EDIL3: variants seen among roughly 807,000 people sequenced by gnomAD.
EDIL3 encodes the protein EGF-like repeat and discoidin I-like domain-containing protein 3.
EDIL3 carries 37 observed loss-of-function variants against 67.4 expected under a neutral mutation model. That is an observed-to-expected ratio of 0.55 (90% confidence interval 0.42 to 0.72). The LOEUF is 0.72. Among genes scored for constraint, EDIL3 ranks in the 30% least tolerant of loss-of-function variants. The pLI, the probability that EDIL3 is intolerant of heterozygous loss-of-function variation, is 0.00. For missense variants in EDIL3, 527 were observed against 586.3 expected (o/e 0.90, Z 1.04); for synonymous variants, 195 against 196.3 (o/e 0.99, Z 0.05).
chr5:83,977,172 T>C (rs1744890040), intron 9 of EDIL3, among the ~76,000 whole-genome samples: 1 of 151,874 alleles, frequency 6.6e-6, no homozygotes, highest in Non-Finnish European at 1.5e-5. Context: ...AATTTTCAAA[T>C]ATGGTTTTGC....
chr5:84,125,400 T>C (rs1747851625), intron 5 of EDIL3, among the ~76,000 whole-genome samples: 1 of 152,032 alleles, frequency 6.6e-6, no homozygotes, highest in African/African-American at 2.4e-5. Flanking sequence ...TCTATTGTTT[T>C]AAAATTCCAG....
chr5:83,978,688 G>T (rs1049566917), intron 9 of EDIL3, among the ~76,000 whole-genome samples: 1 of 151,986 alleles, frequency 6.6e-6, no homozygotes, highest in Non-Finnish European at 1.5e-5. Flanking sequence ...GACAGAAACA[G>T]GGTCATCTGA....
chr5:84,225,156 A>C (rs1402584184), intron 3 of EDIL3, among the ~76,000 whole-genome samples: 1 of 151,630 alleles, frequency 6.6e-6, no homozygotes, highest in East Asian at 1.9e-4. Flanking sequence ...TTTTAGGCTA[A>C]TACATCCTAC....
intron 3 of EDIL3, among the ~76,000 whole-genome samples, chr5:84,210,315 T>C (rs1744092333): frequency 6.6e-6 from 1 of 152,162 alleles, no homozygotes; most frequent in Non-Finnish European, 1.5e-5. Flanking sequence ...AATGATGTGT[T>C]ACTCTAACTA....
chr5:84,051,841 C>T (rs897930941), intron 9 of EDIL3, among the ~76,000 whole-genome samples: 1 of 152,192 alleles, frequency 6.6e-6, no homozygotes, highest in African/African-American at 2.4e-5. Context: ...GATTGGTGTA[C>T]CTGAAAGTGA....
intron 1 of EDIL3, among the ~76,000 whole-genome samples, chr5:84,373,582 A>G (rs769818089): frequency 1.3e-5 from 2 of 152,190 alleles, no homozygotes; most frequent in Admixed American, 6.5e-5. Context: ...AAATTATCTT[A>G]GTTCGAGATT....
At chr5:84,288,184 C>T (rs1745846411) in intron 1 of EDIL3, among the ~76,000 whole-genome samples, 1 of 152,116 alleles carries the variant, frequency 6.6e-6, no homozygotes, top group South Asian at 2.1e-4. Context: ...TAGAGGCATT[C>T]ATGACTCATC....
chr5:84,345,042 C>G (rs1308293083), intron 1 of EDIL3, among the ~76,000 whole-genome samples: 1 of 152,040 alleles, frequency 6.6e-6, no homozygotes, highest in Non-Finnish European at 1.5e-5. Flanking sequence ...ATTTGGGGGA[C>G]CTAGTTATTC....
At chr5:84,323,618 G>T (rs1036880981) in intron 1 of EDIL3, among the ~76,000 whole-genome samples, 1 of 151,774 alleles carries the variant, frequency 6.6e-6, no homozygotes, top group Non-Finnish European at 1.5e-5. Context: ...CAAAAAGCAG[G>T]GATTTGAAGA....
At chr5:84,032,995 C>T (rs1166098356) in intron 9 of EDIL3, among the ~76,000 whole-genome samples, 11 of 152,170 alleles carry the variant, frequency 7.2e-5, no homozygotes, top group South Asian at 2.1e-4. Context: ...AGGGTCCTCA[C>T]GTTTGAATGG....
intron 1 of EDIL3, among the ~76,000 whole-genome samples, chr5:84,269,333 T>C (rs73142662): frequency 0.025 from 3,743 of 152,268 alleles, 167 homozygotes; most frequent in African/African-American, 0.085. Context: ...TTACAAAGTA[T>C]TTATGAATCA....
At chr5:84,262,837 A>AT (rs1745262319) in intron 1 of EDIL3, among the ~76,000 whole-genome samples, 1 of 151,450 alleles carries the variant, frequency 6.6e-6, no homozygotes, top group African/African-American at 2.4e-5. Context: ...TGCTCAGCTA[A>AT]TTTTTTGTAG....
At chr5:84,348,797 A>G (rs930579167) in intron 1 of EDIL3, among the ~76,000 whole-genome samples, 3 of 152,176 alleles carry the variant, frequency 2.0e-5, no homozygotes, top group African/African-American at 4.8e-5. Context: ...TAATATTTTC[A>G]AACTATTTAA....
Position 84,116,853 on chromosome 5 carries a change from A to G in EDIL3, c.470-10023T>C, listed in dbSNP as rs114212958. ...CCTGTTGAAGCTAAGCCAGCTTTTC[A>G]TACATTATCTCTTATTCAGTAGAGA... On this transcript the variant is annotated intron_variant, in intron 5 of 10. Transcript: ENST00000296591. Among the ~76,000 whole-genome samples the G allele has an allele frequency of 1.2e-4, 19 of 152,254 alleles. No homozygotes were observed. The East Asian group carries it at 3.5e-3, about 28-fold the overall frequency.
intron 3 of EDIL3, among the ~76,000 whole-genome samples, chr5:84,187,360 C>T (rs238370): frequency 0.63 from 95,537 of 151,824 alleles, 30,509 homozygotes; most frequent in East Asian, 0.76. Flanking sequence ...TGCTTACACA[C>T]TTAGAGACTG....
intron 3 of EDIL3, among the ~76,000 whole-genome samples, chr5:84,205,637 T>C (rs1447410992): frequency 6.6e-6 from 1 of 152,020 alleles, no homozygotes; most frequent in Non-Finnish European, 1.5e-5. Flanking sequence ...TGGTTTAGTC[T>C]TGGGAGAGTG....
chr5:83,978,161 A>G (rs950235097), intron 9 of EDIL3, among the ~76,000 whole-genome samples: 1 of 151,994 alleles, frequency 6.6e-6, no homozygotes, highest in African/African-American at 2.4e-5. Flanking sequence ...TAGCAAGGTT[A>G]GTTGATACAA....
chr5:84,217,266 T>C lies in EDIL3; in HGVS notation c.226+12589A>G, dbSNP rs1046778698. ...CACAGATAGGGGCCAACATTAATTA[T>C]GATTAAACATTGGAAATAATGTTCA... On this transcript the variant is annotated intron_variant, in intron 3 of 10. Coordinates refer to ENST00000296591, the MANE Select transcript of EDIL3 (RefSeq NM_005711.5). Among the ~76,000 whole-genome samples, 9 of 152,308 alleles carry C rather than the reference T, an allele frequency of 5.9e-5. 1 individual carries two copies. The highest frequency in any genetic ancestry group is 3.9e-4 in the Admixed American group (6 of 15,300).
rs762893099 is a variant in EDIL3, at chr5:83,944,521, C to T, written c.1294-953G>A. ...CAAAACAAATTTAAAACACTGGGTCCCTGATAGGAATGGCATTAAATTATA... is the reference window on the plus strand; with the variant it reads ...CAAAACAAATTTAAAACACTGGGTCTCTGATAGGAATGGCATTAAATTATA... On this transcript the variant is annotated intron_variant, in intron 10 of 10. Coordinates refer to ENST00000296591, the MANE Select transcript of EDIL3 (RefSeq NM_005711.5). 4.0e-5 allele frequency among the ~76,000 whole-genome samples: 6 copies of T among 151,246 alleles called. No homozygotes were observed. The Middle Eastern group carries it at 0.01, about 257-fold the overall frequency.
Sources: gnomAD v4.1 joint callset for allele counts (sites outside exome capture counted in the v4.1 genomes callset) on GRCh38, gnomAD v4.1.1 for gene constraint, MANE v1.5 for transcripts, NCBI Gene and HGNC (gene_info 2026-07-23, HGNC 2026-07-21) for gene names.